The following ZNF236 variants were observed in gnomAD, a reference collection of about 807,000 sequenced individuals.
ZNF236 encodes the protein zinc finger protein 236.
ZNF236 carries 50 observed loss-of-function variants against 191.2 expected under a neutral mutation model. The ratio of observed to expected loss-of-function variants is 0.26; its 90% CI spans 0.21 to 0.33. The LOEUF (loss-of-function observed/expected upper bound fraction) is 0.33. Among genes scored for constraint, ZNF236 ranks in the 10% least tolerant of loss-of-function variants. The probability of loss-of-function intolerance (pLI) is 1.00; values close to 1 mark genes in which losing one functional copy is unlikely to be tolerated. For synonymous variants in ZNF236, 907 were observed against 928.8 expected, an observed-to-expected ratio of 0.98 and a Z score of 0.43; for missense variants, 1,754 against 2,374.5, an observed-to-expected ratio of 0.74 and a Z score of 5.43.
intron 5 of ZNF236, among the ~76,000 whole-genome samples, chr18:76,873,689 A>G (rs2122615189): frequency 6.6e-6 from 1 of 152,274 alleles, no homozygotes; most frequent in South Asian, 2.1e-4. Flanking sequence ...GCTCCTGTCC[A>G]AAGGAGGCTG....
Position 76,927,189 on chromosome 18 carries a change from C to T in ZNF236, c.4173+7C>T, listed in dbSNP as rs1967724033. ...TAATAACATTACGTTGCAGGTATGACACCTTCCATGGTCTCCTGTGCTGTA... is the reference window on the plus strand; with the variant it reads ...TAATAACATTACGTTGCAGGTATGATACCTTCCATGGTCTCCTGTGCTGTA... On this transcript the variant is annotated splice_region_variant and intron_variant, in intron 23 of 30. Coordinates refer to ENST00000320610, the MANE Select transcript of ZNF236 (RefSeq NM_001306089.2). The surrounding 1 kb of genome is among the most constrained non-coding windows in gnomAD (Gnocchi z 5.4). 1 of 1,612,742 alleles carries T rather than the reference C, an allele frequency of 6.2e-7. No individual in the cohort carries two copies. The highest frequency in any genetic ancestry group is 8.5e-7 in the Non-Finnish European group (1 of 1,178,834).
intron 1 of ZNF236, chr18:76,834,513 G>T: frequency 2.1e-6 from 1 of 473,684 alleles, no homozygotes; most frequent in Non-Finnish European, 4.1e-6. Context: ...TCCGTTCAAG[G>T]AGCATTTTGC....
intron 14 of ZNF236, among the ~76,000 whole-genome samples, chr18:76,909,632 C>T (rs572576377): frequency 2.6e-4 from 39 of 152,314 alleles, no homozygotes; most frequent in Middle Eastern, 3.4e-3. Context: ...TAGCTGGCTG[C>T]GTCTGGCACA....
intron 16 of ZNF236, among the ~76,000 whole-genome samples, chr18:76,911,167 A>G (rs1967207914): frequency 6.6e-6 from 1 of 152,246 alleles, no homozygotes; most frequent in Non-Finnish European, 1.5e-5. Context: ...ACATGTTAGA[A>G]GGAAAATATA....
chr18:76,855,126 G>C (rs934498225), intron 3 of ZNF236, among the ~76,000 whole-genome samples: 21 of 152,172 alleles, frequency 1.4e-4, no homozygotes, highest in Non-Finnish European at 2.5e-4. Context: ...GTTTCGCCAT[G>C]TTGGCCAGGC....
At chr18:76,844,102 TGGTGGCACATGCCTGTAA>T (rs1403239202) in intron 1 of ZNF236, among the ~76,000 whole-genome samples, 1 of 151,788 alleles carries the variant, frequency 6.6e-6, no homozygotes, top group African/African-American at 2.4e-5. Flanking sequence ...TAGCCAGGCA[TGGTGGCACATGCCTGTAA>T]TCCCAGCTAC....
At chr18:76,894,900 G>A in intron 9 of ZNF236, 113 bp from the exon 10 acceptor site, 1 of 1,412,412 alleles carries the variant, frequency 7.1e-7, no homozygotes, top group Non-Finnish European at 9.6e-7. Context: ...GGAATTCCAA[G>A]CTTTCCCATA....
In ZNF236 at chr18:76,880,036, G is replaced by GTT. The variant is rs5826483; in HGVS notation, c.985-65_985-64dup. 0.16 allele frequency: 147,825 copies of GTT among 939,162 alleles called. 13 individuals carry two copies. Among genetic ancestry groups the GTT allele is most frequent in the South Asian group, 0.17 (8,746 of 51,734 alleles). The allele number at this position is 939,162 out of a possible 1,614,324, so 58.2% of individuals were successfully genotyped here. Reference sequence around the variant, plus strand: ...AACACCCTTAAGGAGGGTATTGCCTGTTTTTTTTTTTTTAATTTTCCTTTT... The same window carrying GTT: ...AACACCCTTAAGGAGGGTATTGCCTGTTTTTTTTTTTTTTTAATTTTCCTTTT... On this transcript the variant is annotated intron_variant, in intron 7 of 30. Transcript: ENST00000320610. This position sits in a 1 kb window ranked among gnomAD's most constrained non-coding sequence, Gnocchi z 5.0.
At chr18:76,892,659 C>A (rs1977284233) in intron 9 of ZNF236, among the ~76,000 whole-genome samples, 1 of 152,164 alleles carries the variant, frequency 6.6e-6, no homozygotes, top group Non-Finnish European at 1.5e-5. Context: ...CCTCTGCCTC[C>A]CGGGTTCAAG....
At chr18:76,954,600 C>T (rs1373866385) in intron 27 of ZNF236, among the ~76,000 whole-genome samples, 1 of 152,212 alleles carries the variant, frequency 6.6e-6, no homozygotes, top group Non-Finnish European at 1.5e-5. Flanking sequence ...CATGTAGACA[C>T]ACACCTGACA....
chr18:76,904,258 T>G, intron 11 of ZNF236, 122 bp from the exon 12 acceptor site: 1 of 872,148 alleles, frequency 1.1e-6, no homozygotes, highest in Non-Finnish European at 1.6e-6. Context: ...ATAACATAGT[T>G]GCAACATTAG....
chr18:76,926,801 GTGTA>G lies in ZNF236; in HGVS notation c.4028-234_4028-231del, dbSNP rs377042210. On this transcript the variant is annotated intron_variant, in intron 22 of 30. Transcript: ENST00000320610. ...TATAAAGGGTGATTAGACAGTGTGT[GTGTA>G]TATGGTATAAATAAGGGGTGATTAG... Among the ~76,000 whole-genome samples, 17 of 84,976 alleles carry G rather than the reference GTGTA, an allele frequency of 2.0e-4. 1 individual carries two copies. The highest frequency in any genetic ancestry group is 3.7e-4 in the South Asian group (1 of 2,724). The allele number at this position is 84,976 out of a possible 152,430, so 55.7% of individuals were successfully genotyped here.
intron 30 of ZNF236, among the ~76,000 whole-genome samples, chr18:76,961,317 G>A (rs1310765664): frequency 6.6e-6 from 1 of 151,946 alleles, no homozygotes; most frequent in Non-Finnish European, 1.5e-5. Context: ...TCATCCAGGT[G>A]GTTGCAGATG....
At chr18:76,824,063 A>G (rs1015550329) in intron 1 of ZNF236, 5 of 491,184 alleles carry the variant, frequency 1.0e-5, no homozygotes, top group African/African-American at 7.7e-5. Flanking sequence ...TGTTTAGCTT[A>G]GTGACTCAAG....
At chr18:76,849,175 CTT>C (rs1568193965) in intron 1 of ZNF236, 2 of 171,128 alleles carry the variant, frequency 1.2e-5, no homozygotes, top group African/African-American at 4.7e-5. Context: ...TTTGTAGTGA[CTT>C]TGAAACACTA....
At chr18:76,955,771 T>G (rs1326683325) in intron 27 of ZNF236, among the ~76,000 whole-genome samples, 1 of 152,192 alleles carries the variant, frequency 6.6e-6, no homozygotes, top group African/African-American at 2.4e-5. Flanking sequence ...GCTGCTGTTG[T>G]GTGGTCTCAA....
At position 76,913,734 on chromosome 18, in the gene ZNF236, G is replaced by A. The variant is rs759890624; in HGVS notation, c.2910-13G>A. The A allele has an allele frequency of 4.3e-6, 7 of 1,613,140 alleles. No homozygotes were observed. Among genetic ancestry groups the A allele is most frequent in the Admixed American group, 1.7e-5 (1 of 60,000 alleles). On this transcript the variant is annotated splice_polypyrimidine_tract_variant and intron_variant, in intron 17 of 30. Transcript: ENST00000320610. ...AATTAACGTGGTCTGAGTTCTGTAT[G>A]TTTGCTTTGTAGGTGTGACTATTGC...
At chr18:76,878,619 G>GCGCA (rs1555691005) in intron 7 of ZNF236, among the ~76,000 whole-genome samples, 1 of 149,948 alleles carries the variant, frequency 6.7e-6, no homozygotes, top group African/African-American at 2.5e-5. Flanking sequence ...ACACAGGTGC[G>GCGCA]CACACACACA....
chr18:76,835,947 G>A (rs1975312057), intron 1 of ZNF236, among the ~76,000 whole-genome samples: 1 of 151,334 alleles, frequency 6.6e-6, no homozygotes, highest in African/African-American at 2.4e-5. Context: ...TTGCTCTGTT[G>A]CCTAGACTGG....
Sources: gnomAD v4.1 joint callset for allele counts (sites outside exome capture counted in the v4.1 genomes callset) on GRCh38, gnomAD v4.1.1 for gene constraint, Gnocchi (gnomAD v3.1) non-coding constraint, MANE v1.5 for transcripts, NCBI Gene and HGNC (gene_info 2026-07-23, HGNC 2026-07-21) for gene names.